The following KCNIP3 variants were observed in gnomAD, a reference collection of about 807,000 sequenced individuals.
KCNIP3 encodes calsenilin.
In KCNIP3, 28 loss-of-function variants were observed where a neutral mutation model predicts 35.0. The observed-to-expected ratio is 0.80, with a 90% CI of 0.59 to 1.10. The LOEUF is 1.10. Ranked by LOEUF, KCNIP3 falls within the 50% of genes least tolerant of loss-of-function variation. The pLI, the probability that KCNIP3 is intolerant of heterozygous loss-of-function variation, is 0.00. For synonymous variants in KCNIP3, 134 were observed against 133.8 expected (o/e 1.00, Z -0.01); for missense variants, 295 against 338.4 (o/e 0.87, Z 1.01).
intron 2 of KCNIP3, among the ~76,000 whole-genome samples, chr2:95,345,748 C>T (rs1679338505): frequency 6.6e-6 from 1 of 152,278 alleles, no homozygotes; most frequent in Non-Finnish European, 1.5e-5. Flanking sequence ...GGTCTCCGGC[C>T]TCGCGGCTCC....
chr2:95,323,726 C>T (rs1413121394), intron 2 of KCNIP3, among the ~76,000 whole-genome samples: 1 of 152,098 alleles, frequency 6.6e-6, no homozygotes, highest in Non-Finnish European at 1.5e-5. Flanking sequence ...GTCCTGGCTC[C>T]CGATGCCCCA....
At chr2:95,333,083 A>T (rs1678972545) in intron 2 of KCNIP3, among the ~76,000 whole-genome samples, 1 of 152,256 alleles carries the variant, frequency 6.6e-6, no homozygotes, top group Non-Finnish European at 1.5e-5. Context: ...GGGTAAAATC[A>T]CTGTAGCTCC....
intron 2 of KCNIP3, chr2:95,310,812 A>G (rs1678294049): frequency 2.2e-6 from 1 of 450,598 alleles, no homozygotes; most frequent in Non-Finnish European, 4.1e-6. Flanking sequence ...GCAGAGTCCA[A>G]CAAACCAGGC....
At chr2:95,326,785 C>G (rs981369384) in intron 2 of KCNIP3, among the ~76,000 whole-genome samples, 1 of 152,256 alleles carries the variant, frequency 6.6e-6, no homozygotes, top group Non-Finnish European at 1.5e-5. Flanking sequence ...GCACCTCGGC[C>G]TACAGGGCCC....
At chr2:95,349,584 C>T (rs539790097) in intron 2 of KCNIP3, among the ~76,000 whole-genome samples, 31 of 152,204 alleles carry the variant, frequency 2.0e-4, no homozygotes, top group Non-Finnish European at 3.5e-4. Flanking sequence ...GAAGCTCGCC[C>T]CTTGATCCAT....
intron 2 of KCNIP3, among the ~76,000 whole-genome samples, chr2:95,328,036 C>T (rs960289351): frequency 2.6e-5 from 4 of 152,248 alleles, no homozygotes; most frequent in African/African-American, 7.2e-5. Flanking sequence ...GCTGGGGCTC[C>T]GTGGCCCCCA....
chr2:95,322,864 C>T (rs1041498898), intron 2 of KCNIP3, among the ~76,000 whole-genome samples: 13 of 152,232 alleles, frequency 8.5e-5, no homozygotes, highest in African/African-American at 1.4e-4. Context: ...CTGAGTACTG[C>T]GAGGCCCTGT....
intron 2 of KCNIP3, among the ~76,000 whole-genome samples, chr2:95,318,839 G>C (rs1017706163): frequency 6.6e-6 from 1 of 152,226 alleles, no homozygotes; most frequent in Admixed American, 6.5e-5. Flanking sequence ...TTTCCAAAGA[G>C]AGATAAAATG....
intron 2 of KCNIP3, among the ~76,000 whole-genome samples, chr2:95,331,775 C>T (rs962613466): frequency 6.6e-6 from 1 of 152,224 alleles, no homozygotes; most frequent in African/African-American, 2.4e-5. Context: ...CAGGAATACC[C>T]ACTGGCCAGG....
At chr2:95,317,049 T>C (rs1430769283) in intron 2 of KCNIP3, among the ~76,000 whole-genome samples, 1 of 152,198 alleles carries the variant, frequency 6.6e-6, no homozygotes, top group East Asian at 1.9e-4. Context: ...TTCTGCATTT[T>C]AGAGAGGCAC....
intron 2 of KCNIP3, among the ~76,000 whole-genome samples, chr2:95,332,121 G>A (rs1678946671): frequency 6.6e-6 from 1 of 152,228 alleles, no homozygotes. Flanking sequence ...GACAGAGAGA[G>A]GAGGCACAGG....
At chr2:95,374,530 G>A in intron 3 of KCNIP3, 110 bp downstream of exon 3, 1 of 1,363,650 alleles carries the variant, frequency 7.3e-7, no homozygotes, top group Non-Finnish European at 9.9e-7. Flanking sequence ...AGGGGCTTAT[G>A]TGTTGTGGGA....
At chr2:95,319,470 G>A (rs2104223615) in intron 2 of KCNIP3, among the ~76,000 whole-genome samples, 1 of 152,338 alleles carries the variant, frequency 6.6e-6, no homozygotes, top group African/African-American at 2.4e-5. Context: ...GCTTCTCTGT[G>A]AGGTGAGACA....
chr2:95,327,372 C>A (rs1678820390), intron 2 of KCNIP3, among the ~76,000 whole-genome samples: 1 of 152,186 alleles, frequency 6.6e-6, no homozygotes, highest in Non-Finnish European at 1.5e-5. Context: ...CACTCACACA[C>A]ATTCACACAC....
At chr2:95,354,401 A>G (rs556637335) in intron 2 of KCNIP3, among the ~76,000 whole-genome samples, 19 of 152,358 alleles carry the variant, frequency 1.2e-4, no homozygotes, top group Non-Finnish European at 2.6e-4. Context: ...CACAGGTAAC[A>G]TGGAGTCTTG....
intron 2 of KCNIP3, among the ~76,000 whole-genome samples, chr2:95,325,599 A>G (rs1025038931): frequency 2.0e-5 from 3 of 151,912 alleles, no homozygotes; most frequent in African/African-American, 7.3e-5. Context: ...ACGCACTCAC[A>G]CACTCATACA....
At chr2:95,315,012 G>C (rs2104216832) in intron 2 of KCNIP3, among the ~76,000 whole-genome samples, 1 of 152,322 alleles carries the variant, frequency 6.6e-6, no homozygotes, top group Admixed American at 6.5e-5. Context: ...GCTGCCTCTG[G>C]GGGTGGGCAC....
At chr2:95,381,768 G>A (rs546112138) in intron 6 of KCNIP3, 65 bp downstream of exon 6, 81 of 1,095,934 alleles carry the variant, frequency 7.4e-5, no homozygotes, top group Middle Eastern at 2.5e-4. Context: ...CCCTCCCGCC[G>A]CTCTTCCTCT....
intron 2 of KCNIP3, among the ~76,000 whole-genome samples, chr2:95,350,521 C>T (rs982443195): frequency 6.6e-5 from 10 of 152,198 alleles, no homozygotes; most frequent in African/African-American, 2.4e-4. Context: ...CCCCTCTGCT[C>T]CACCTCCTGC....
Sources: gnomAD v4.1 joint callset for allele counts (sites outside exome capture counted in the v4.1 genomes callset) on GRCh38, gnomAD v4.1.1 for gene constraint, MANE v1.5 for transcripts, NCBI Gene and HGNC (gene_info 2026-07-23, HGNC 2026-07-21) for gene names.